The following TOGARAM2 variants were observed in gnomAD, a reference collection of about 807,000 sequenced individuals.
TOGARAM2 encodes the protein TOG array regulator of axonemal microtubules protein 2.
Under a neutral mutation model 93.3 loss-of-function variants are expected in TOGARAM2, and 85 were observed. The observed-to-expected ratio is 0.91, with a 90% CI of 0.76 to 1.09. TOGARAM2 has a LOEUF of 1.09. Among genes scored for constraint, TOGARAM2 ranks in the 50% least tolerant of loss-of-function variants. The pLI is 0.00. For synonymous variants in TOGARAM2, 593 were observed against 552.8 expected, an observed-to-expected ratio of 1.07 and a Z score of -1.02; for missense variants, 1,277 against 1,334.5, an observed-to-expected ratio of 0.96 and a Z score of 0.67.
intron 1 of TOGARAM2, among the ~76,000 whole-genome samples, chr2:28,971,786 A>T (rs547023389): frequency 1.3e-4 from 20 of 152,246 alleles, no homozygotes; most frequent in Admixed American, 1.2e-3. Flanking sequence ...ATTTTTCTTG[A>T]TGGTTCTAAG....
At chr2:28,987,061 T>C (rs1055311140) in intron 1 of TOGARAM2, among the ~76,000 whole-genome samples, 4 of 152,210 alleles carry the variant, frequency 2.6e-5, no homozygotes, top group East Asian at 3.8e-4. Flanking sequence ...ACTCTTCTAC[T>C]TAGTAGCTCT....
chr2:29,000,217 T>C (rs979083929), intron 4 of TOGARAM2, among the ~76,000 whole-genome samples: 7 of 152,180 alleles, frequency 4.6e-5, no homozygotes, highest in African/African-American at 1.7e-4. Flanking sequence ...TGAGGCACAG[T>C]CGCTTGGCAG....
rs140330315 is a variant in TOGARAM2, at chr2:29,019,726, T to C, written c.1360+1770T>C. On this transcript the variant is annotated intron_variant, in intron 10 of 19. Coordinates refer to ENST00000379558, the MANE Select transcript of TOGARAM2 (RefSeq NM_199280.4). Reference sequence around the variant, plus strand: ...TTAGGAAAAAAAGCCAACATTCTCCTCTTACAACCATCCTGGAAGCTGTAT... The same window carrying C: ...TTAGGAAAAAAAGCCAACATTCTCCCCTTACAACCATCCTGGAAGCTGTAT... 4.2e-3 allele frequency among the ~76,000 whole-genome samples: 644 copies of C among 152,314 alleles called. 7 individuals are homozygous for C. Among genetic ancestry groups the C allele is most frequent in the African/African-American group, 0.014 (595 of 41,572 alleles).
chr2:28,964,209 C>T (rs186485983), intron 1 of TOGARAM2, among the ~76,000 whole-genome samples: 1 of 152,270 alleles, frequency 6.6e-6, no homozygotes, highest in East Asian at 1.9e-4. Flanking sequence ...GTTCTTGCTG[C>T]ATGTATGTTA....
intron 18 of TOGARAM2, among the ~76,000 whole-genome samples, chr2:29,042,554 A>G (rs1213504461): frequency 6.6e-6 from 1 of 152,184 alleles, no homozygotes; most frequent in African/African-American, 2.4e-5. Context: ...CGGGGGGGCT[A>G]CAGGCAGGTG....
In TOGARAM2 at chr2:29,036,533, T is replaced by C. The variant is rs1361053697; in HGVS notation, c.2419-8T>C. Reference sequence around the variant, plus strand: ...CCCATGGGCTCTTGGTTTCTGTTTCTTCAATAGGTCTTTGATGCTTTCACC... The same window carrying C: ...CCCATGGGCTCTTGGTTTCTGTTTCCTCAATAGGTCTTTGATGCTTTCACC... On this transcript the variant is annotated splice_region_variant and splice_polypyrimidine_tract_variant and intron_variant, in intron 17 of 19. Coordinates refer to ENST00000379558, the MANE Select transcript of TOGARAM2 (RefSeq NM_199280.4). The C allele has an allele frequency of 1.9e-6, 3 of 1,613,762 alleles. No homozygotes were observed. The African/African-American group carries it at 4.0e-5, about 22-fold the overall frequency.
At chr2:29,037,460 C>T (rs1482838208) in intron 18 of TOGARAM2, among the ~76,000 whole-genome samples, 3 of 152,170 alleles carry the variant, frequency 2.0e-5, no homozygotes, top group African/African-American at 7.2e-5. Context: ...TGAAAACCAC[C>T]TGTGTTTGCC....
intron 12 of TOGARAM2, 81 bp downstream of exon 12, chr2:29,023,272 C>A (rs1252953974): frequency 3.3e-6 from 4 of 1,209,976 alleles, no homozygotes; most frequent in Non-Finnish European, 4.7e-6. Context: ...TGTGGAGGGG[C>A]TGTGGCTTCA....
At chr2:29,010,614 GT>G (rs1335360262) in intron 6 of TOGARAM2, among the ~76,000 whole-genome samples, 1 of 152,116 alleles carries the variant, frequency 6.6e-6, no homozygotes, top group East Asian at 1.9e-4. Flanking sequence ...TTCCTGACCT[GT>G]TGCTGTGGCT....
intron 14 of TOGARAM2, among the ~76,000 whole-genome samples, chr2:29,029,469 A>T (rs1251438672): frequency 6.6e-6 from 1 of 152,226 alleles, no homozygotes; most frequent in African/African-American, 2.4e-5. Flanking sequence ...TAAGAATGAC[A>T]TAATGGGCCG....
chr2:29,042,578 T>G (rs1666500386), intron 18 of TOGARAM2, among the ~76,000 whole-genome samples: 1 of 152,192 alleles, frequency 6.6e-6, no homozygotes, highest in African/African-American at 2.4e-5. Flanking sequence ...GATGATTTTA[T>G]TCAGCAGCAG....
intron 2 of TOGARAM2, 142 bp downstream of exon 2, chr2:28,995,004 G>T: frequency 1.0e-6 from 1 of 982,326 alleles, no homozygotes; most frequent in Non-Finnish European, 1.5e-6. Context: ...TGCCTTTCCA[G>T]CCCTGGCCAG....
chr2:28,978,629 G>T (rs1000269016), upstream of TOGARAM2, among the ~76,000 whole-genome samples: 1 of 152,212 alleles, frequency 6.6e-6, no homozygotes, highest in Non-Finnish European at 1.5e-5. Context: ...TTCTGGGGTA[G>T]ATGGGGGCTA....
chr2:29,014,382 C>G lies in TOGARAM2; in HGVS notation c.878-13C>G. 2 of 1,609,196 alleles carry G rather than the reference C, an allele frequency of 1.2e-6. No individual in the cohort carries two copies. The highest frequency in any genetic ancestry group is 1.8e-4 in the Middle Eastern group (1 of 5,566). On this transcript the variant is annotated splice_polypyrimidine_tract_variant and intron_variant, in intron 7 of 19. Coordinates refer to ENST00000379558, the MANE Select transcript of TOGARAM2 (RefSeq NM_199280.4). The stretch of plus-strand genomic sequence containing the variant: ...GGGTGTCTTCAGCTCCACCCCTGTT[C>G]TCAACCCCTCAGAGCCAAAACCTTT...
intron 1 of TOGARAM2, among the ~76,000 whole-genome samples, chr2:28,989,714 A>G (rs1348438064): frequency 6.6e-6 from 1 of 151,356 alleles, no homozygotes; most frequent in Non-Finnish European, 1.5e-5. Context: ...CAATTTTTGT[A>G]TTTTATAGAG....
rs561837601 is a variant in TOGARAM2, at chr2:28,962,758, C to G, written c.-147+6061C>G. On this transcript the variant is annotated intron_variant, in intron 1 of 6. Transcript: ENST00000401723. ...CTCCCTTTCCCTTCCCTTCCCTCCC[C>G]TCCCCTTCCCTCCCCTCCCCTTCCC... Among the ~76,000 whole-genome samples, 37 of 132,388 alleles carry G rather than the reference C, an allele frequency of 2.8e-4. No individual in the cohort carries two copies. The South Asian group carries it at 0.011, about 39-fold the overall frequency. 86.9% of individuals were successfully genotyped at this position (132,388 alleles called of 152,430 possible). A position where few individuals can be genotyped will look rare whatever the true frequency, so the allele number is the denominator to read the frequency against.
intron 4 of TOGARAM2, among the ~76,000 whole-genome samples, chr2:29,000,236 C>G (rs1227043961): frequency 6.6e-6 from 1 of 152,150 alleles, no homozygotes; most frequent in African/African-American, 2.4e-5. Flanking sequence ...AGCTAGGAGG[C>G]TCTCAAGAAA....
intron 1 of TOGARAM2, 121 bp from the exon 2 acceptor site, chr2:28,994,604 T>G: frequency 4.8e-6 from 2 of 416,426 alleles, no homozygotes; most frequent in Non-Finnish European, 4.4e-6. Context: ...ATGGCATCCT[T>G]TGGTTTAGTG....
chr2:29,019,970 G>C (rs889616340), intron 10 of TOGARAM2, among the ~76,000 whole-genome samples: 1 of 152,202 alleles, frequency 6.6e-6, no homozygotes, highest in Non-Finnish European at 1.5e-5. Context: ...TCTCAGCGAG[G>C]CAAATTTACT....
Sources: allele counts gnomAD v4.1 joint callset (sites outside exome capture counted in the v4.1 genomes callset), GRCh38; gene constraint gnomAD v4.1.1; transcripts MANE v1.5; gene names NCBI Gene and HGNC (gene_info 2026-07-23, HGNC 2026-07-21).